GNB4: variants seen among roughly 807,000 people sequenced by gnomAD.
GNB4 encodes the protein G protein subunit beta 4.
Under a neutral mutation model 45.2 loss-of-function variants are expected in GNB4, and 28 were observed. The ratio of observed to expected loss-of-function variants is 0.62; its 90% CI spans 0.46 to 0.85. GNB4 has a LOEUF of 0.85. Among genes scored for constraint, GNB4 ranks in the 40% least tolerant of loss-of-function variants. The probability of loss-of-function intolerance (pLI) is 0.00; values close to 1 mark genes in which losing one functional copy is unlikely to be tolerated. For missense variants in GNB4, 321 were observed against 425.4 expected (o/e 0.75, Z 2.16); for synonymous variants, 132 against 143.7 (o/e 0.92, Z 0.58).
chr3:179,462,541 T>C, the GNB4 span, among the ~76,000 whole-genome samples: 1 of 152,260 alleles, frequency 6.6e-6, no homozygotes, highest in East Asian at 1.9e-4. Context: ...TTAAAATCTA[T>C]TAAAAATAAT....
chr3:179,462,884 TATCATAAAATC>T, the GNB4 span, among the ~76,000 whole-genome samples: 1 of 152,138 alleles, frequency 6.6e-6, no homozygotes, highest in Non-Finnish European at 1.5e-5. Context: ...TATTTGGAGT[TATCATAAAATC>T]ATTTTAAGTA....
At chr3:179,425,567 A>T (rs1034284795) in intron 2 of GNB4, among the ~76,000 whole-genome samples, 1 of 151,984 alleles carries the variant, frequency 6.6e-6, no homozygotes, top group Non-Finnish European at 1.5e-5. Flanking sequence ...GTCTCCAGGG[A>T]TCAAGCCATT....
the GNB4 span, among the ~76,000 whole-genome samples, chr3:179,477,030 G>A: frequency 6.6e-6 from 1 of 152,160 alleles, no homozygotes; most frequent in Non-Finnish European, 1.5e-5. Flanking sequence ...ACTATACCCT[G>A]AAGACAGTCT....
At chr3:179,417,524 C>T (rs1360650609) in intron 4 of GNB4, among the ~76,000 whole-genome samples, 1 of 151,858 alleles carries the variant, frequency 6.6e-6, no homozygotes, top group Non-Finnish European at 1.5e-5. Flanking sequence ...TCTCCTGCCT[C>T]AGCCTCCCGA....
At chr3:179,527,777 CGTGTGTGTATGTATGTGT>C in the GNB4 span, among the ~76,000 whole-genome samples, 4 of 122,268 alleles carry the variant, frequency 3.3e-5, no homozygotes. Context: ...CTGATAAGTG[CGTGTGTGTATGTATGTGT>C]GTGTGTGTGT....
the GNB4 span, among the ~76,000 whole-genome samples, chr3:179,509,678 C>A: frequency 6.6e-6 from 1 of 150,924 alleles, no homozygotes; most frequent in Non-Finnish European, 1.5e-5. Flanking sequence ...TCTGGCCACC[C>A]TCCTCCCCAC....
At chr3:179,448,295 G>A (rs2111279) in intron 1 of GNB4, among the ~76,000 whole-genome samples, 84,015 of 152,014 alleles carry the variant, frequency 0.55, 24,155 homozygotes, top group African/African-American at 0.7. Flanking sequence ...CTTCTTCCAC[G>A]TTGGAAACCC....
intron 1 of GNB4, among the ~76,000 whole-genome samples, chr3:179,430,109 G>C: frequency 7.2e-6 from 1 of 138,198 alleles, no homozygotes; most frequent in East Asian, 2.2e-4. Context: ...CAGACAGACA[G>C]ACAGACAAAG....
chr3:179,408,074 A>G (rs1714528212), intron 8 of GNB4, among the ~76,000 whole-genome samples: 2 of 152,238 alleles, frequency 1.3e-5, no homozygotes, highest in Admixed American at 1.3e-4. Context: ...CCCAGAGCAA[A>G]TCTAAATAAT....
the GNB4 span, among the ~76,000 whole-genome samples, chr3:179,467,225 C>T: frequency 1.3e-5 from 2 of 152,124 alleles, no homozygotes; most frequent in Non-Finnish European, 2.9e-5. Context: ...GTTGCCCAGG[C>T]TGGTCTTGAC....
At chr3:179,466,743 T>C in the GNB4 span, among the ~76,000 whole-genome samples, 8 of 152,332 alleles carry the variant, frequency 5.3e-5, no homozygotes, top group East Asian at 9.6e-4. Flanking sequence ...TTAAAAGCTA[T>C]GGAAATTAAA....
At chr3:179,462,648 G>A in the GNB4 span, among the ~76,000 whole-genome samples, 1 of 152,106 alleles carries the variant, frequency 6.6e-6, no homozygotes, top group African/African-American at 2.4e-5. Context: ...AGACCAGCCT[G>A]GCCAATATGG....
At chr3:179,484,973 A>C in the GNB4 span, among the ~76,000 whole-genome samples, 1 of 148,948 alleles carries the variant, frequency 6.7e-6, no homozygotes, top group Non-Finnish European at 1.5e-5. Context: ...GGTATTTGCT[A>C]ATTCAGTGTT....
the GNB4 span, among the ~76,000 whole-genome samples, chr3:179,466,395 T>C: frequency 6.6e-6 from 1 of 152,182 alleles, no homozygotes; most frequent in Non-Finnish European, 1.5e-5. Context: ...AGGTTCCTTG[T>C]CTATTTTGGC....
At chr3:179,458,233 G>A in the GNB4 span, among the ~76,000 whole-genome samples, 3 of 152,138 alleles carry the variant, frequency 2.0e-5, no homozygotes, top group Non-Finnish European at 2.9e-5. Context: ...TGTGGGGAGG[G>A]GCAGGGGAGT....
the GNB4 span, among the ~76,000 whole-genome samples, chr3:179,519,396 C>T: frequency 6.6e-6 from 1 of 152,226 alleles, no homozygotes; most frequent in African/African-American, 2.4e-5. Flanking sequence ...CTTCAGGTAA[C>T]TCTCACAGTG....
chr3:179,499,150 A>G, the GNB4 span, among the ~76,000 whole-genome samples: 1 of 126,364 alleles, frequency 7.9e-6, no homozygotes, highest in African/African-American at 2.9e-5. Context: ...TATGTGCCAC[A>G]TTTTCTTTTT....
the GNB4 span, among the ~76,000 whole-genome samples, chr3:179,461,626 A>T: frequency 6.6e-6 from 1 of 152,260 alleles, no homozygotes. Flanking sequence ...TTAAATGTCC[A>T]TGAAATCAGA....
chr3:179,488,309 C>G, the GNB4 span, among the ~76,000 whole-genome samples: 1 of 152,174 alleles, frequency 6.6e-6, no homozygotes, highest in Non-Finnish European at 1.5e-5. Flanking sequence ...TCCTCCACCC[C>G]ACAGTGAACA....
Sources: gnomAD v4.1 joint callset for allele counts (sites outside exome capture counted in the v4.1 genomes callset) on GRCh38, gnomAD v4.1.1 for gene constraint, MANE v1.5 for transcripts, NCBI Gene and HGNC (gene_info 2026-07-23, HGNC 2026-07-21) for gene names.